Variants in NTM observed in about 807,000 individuals in gnomAD.
The protein encoded by NTM is IgLON family member 2.
In NTM, 13 loss-of-function variants were observed where a neutral mutation model predicts 42.1. The ratio of observed to expected loss-of-function variants is 0.31; its 90% confidence interval spans 0.20 to 0.49. The LOEUF is 0.49. Among genes scored for constraint, NTM ranks in the 20% least tolerant of loss-of-function variants. The pLI is 0.99. For synonymous variants in NTM, 187 were observed against 179.2 expected, an observed-to-expected ratio of 1.04 and a Z score of -0.35; for missense variants, 373 against 452.8, an observed-to-expected ratio of 0.82 and a Z score of 1.60.
intron 1 of NTM, among the ~76,000 whole-genome samples, chr11:131,576,875 G>A (rs990145636): frequency 6.6e-6 from 1 of 152,166 alleles, no homozygotes; most frequent in Non-Finnish European, 1.5e-5. Flanking sequence ...TCCACAAAAT[G>A]TGGTGCAATA....
chr11:132,090,587 C>A (rs999743312), intron 2 of NTM, among the ~76,000 whole-genome samples: 1 of 152,084 alleles, frequency 6.6e-6, no homozygotes, highest in South Asian at 2.1e-4. Context: ...TCACTAAATC[C>A]TTCCCAGCTT....
intron 1 of NTM, among the ~76,000 whole-genome samples, chr11:131,728,101 G>A (rs912117399): frequency 6.6e-6 from 1 of 151,972 alleles, no homozygotes; most frequent in African/African-American, 2.4e-5. Flanking sequence ...ATGTAAAGAC[G>A]TGAGTGGAAA....
intron 2 of NTM, among the ~76,000 whole-genome samples, chr11:131,941,723 G>A (rs2059811687): frequency 6.6e-6 from 1 of 152,176 alleles, no homozygotes; most frequent in East Asian, 1.9e-4. Context: ...CAGTAAAAAT[G>A]GACTCTTGTT....
intron 4 of NTM, among the ~76,000 whole-genome samples, chr11:132,237,781 A>G (rs989489330): frequency 3.3e-5 from 5 of 152,138 alleles, no homozygotes; most frequent in African/African-American, 9.7e-5. Flanking sequence ...GGGCGCGCAG[A>G]GAGATTTGGA....
intron 1 of NTM, among the ~76,000 whole-genome samples, chr11:131,395,975 A>ATGTCTTG (rs1213502311): frequency 1.3e-5 from 2 of 152,198 alleles, no homozygotes; most frequent in African/African-American, 4.8e-5. Context: ...TGGCTTACCC[A>ATGTCTTG]CTAAGACCCA....
intron 2 of NTM, among the ~76,000 whole-genome samples, chr11:131,998,026 C>T (rs1378802478): frequency 6.6e-6 from 1 of 152,114 alleles, no homozygotes; most frequent in Non-Finnish European, 1.5e-5. Flanking sequence ...AAGGCAACCC[C>T]TCCCACCCCA....
chr11:131,573,333 A>G (rs1038960075), intron 1 of NTM, among the ~76,000 whole-genome samples: 4 of 152,188 alleles, frequency 2.6e-5, no homozygotes, highest in African/African-American at 7.2e-5. Context: ...CTGTTTTTCA[A>G]TACTGTAGAA....
At chr11:131,895,134 G>A (rs991815416) in intron 1 of NTM, among the ~76,000 whole-genome samples, 1 of 152,186 alleles carries the variant, frequency 6.6e-6, no homozygotes, top group Non-Finnish European at 1.5e-5. Flanking sequence ...GTTTTAAGAG[G>A]TGGAAGAGTT....
rs140612314 is a variant in NTM, at chr11:132,157,496, G to C, written c.400+10982G>C. The stretch of plus-strand genomic sequence containing the variant: ...AAAATTTCTGTCCCAGGGGCCCTAG[G>C]GTATGGAAGCAGGGAGGGAAAGACA... On this transcript the variant is annotated intron_variant, in intron 3 of 8. Coordinates refer to ENST00000683400, the MANE Select transcript of NTM (RefSeq NM_001352005.2). 3.3e-3 allele frequency among the ~76,000 whole-genome samples: 509 copies of C among 152,200 alleles called. 3 individuals are homozygous for C. Among genetic ancestry groups the C allele is most frequent in the African/African-American group, 8.7e-3 (363 of 41,526 alleles).
intron 1 of NTM, among the ~76,000 whole-genome samples, chr11:131,817,636 G>A (rs1012170457): frequency 1.3e-5 from 2 of 152,216 alleles, no homozygotes; most frequent in African/African-American, 4.8e-5. Context: ...GCAGCATGCA[G>A]CTGGGTATAT....
chr11:132,067,584 G>T (rs572107781), intron 2 of NTM, among the ~76,000 whole-genome samples: 7 of 152,290 alleles, frequency 4.6e-5, no homozygotes, highest in African/African-American at 1.7e-4. Flanking sequence ...ACAGTTGTAG[G>T]CACTCCTATT....
At chr11:132,297,639 A>G (rs77711695) in intron 4 of NTM, among the ~76,000 whole-genome samples, 1 of 152,220 alleles carries the variant, frequency 6.6e-6, no homozygotes, top group Non-Finnish European at 1.5e-5. Context: ...TTAATGAAAC[A>G]TACGTAAGGC....
chr11:131,393,089 T>C (rs977747244), intron 1 of NTM, among the ~76,000 whole-genome samples: 1 of 152,146 alleles, frequency 6.6e-6, no homozygotes, highest in Admixed American at 6.5e-5. Context: ...ATGCTGGGCT[T>C]ATTCAGACGG....
chr11:131,538,943 A>ATTTTTTTTTTTTTTTTTT (rs1189734867), intron 1 of NTM: 2 of 72,374 alleles, frequency 2.8e-5, no homozygotes, highest in African/African-American at 5.7e-5. Flanking sequence ...TTTTTTTTTA[A>ATTTTTTTTTTTTTTTTTT]TTTTTTTGAG....
chr11:132,306,189 T>G (rs893749335), intron 4 of NTM: 11 of 152,216 alleles, frequency 7.2e-5, no homozygotes, highest in Non-Finnish European at 4.4e-5. Flanking sequence ...GTTATTGTTA[T>G]TGTGGTTATC....
At chr11:131,773,529 C>A (rs1393770529) in intron 1 of NTM, among the ~76,000 whole-genome samples, 1 of 152,144 alleles carries the variant, frequency 6.6e-6, no homozygotes, top group Admixed American at 6.5e-5. Flanking sequence ...TAATGGCCCC[C>A]ATATATGTTG....
At chr11:132,014,733 CTTGT>C (rs761162055) in intron 2 of NTM, among the ~76,000 whole-genome samples, 1 of 63,280 alleles carries the variant, frequency 1.6e-5, no homozygotes, top group African/African-American at 6.1e-5. Flanking sequence ...AAGAGAATTA[CTTGT>C]TTTTTTTTTT....
At chr11:131,689,171 C>G (rs1260867664) in intron 1 of NTM, among the ~76,000 whole-genome samples, 1 of 152,320 alleles carries the variant, frequency 6.6e-6, no homozygotes, top group Middle Eastern at 3.4e-3. Context: ...GAGGACCGAG[C>G]CCCTTCTCCT....
At chr11:132,077,068 G>A (rs1389383358) in intron 2 of NTM, among the ~76,000 whole-genome samples, 1 of 152,204 alleles carries the variant, frequency 6.6e-6, no homozygotes, top group East Asian at 1.9e-4. Context: ...AGAAATCAGT[G>A]TTTAATATTC....
Sources: allele counts gnomAD v4.1 joint callset (sites outside exome capture counted in the v4.1 genomes callset), GRCh38; gene constraint gnomAD v4.1.1; transcripts MANE v1.5; gene names NCBI Gene and HGNC (gene_info 2026-07-23, HGNC 2026-07-21).